RBFOX1: variants seen among roughly 807,000 people sequenced by gnomAD.
RBFOX1 encodes RNA binding protein fox-1 homolog 1.
In RBFOX1, 8 loss-of-function variants were observed where a neutral mutation model predicts 57.7. The observed-to-expected ratio is 0.14, with a 90% confidence interval of 0.08 to 0.25. The LOEUF (loss-of-function observed/expected upper bound fraction) is 0.25, where lower values mean the gene tolerates loss of function less well. Among genes scored for constraint, RBFOX1 ranks in the 10% least tolerant of loss-of-function variants. The pLI is 1.00. For missense variants in RBFOX1, 611 were observed against 548.5 expected (o/e 1.11, Z -1.14); for synonymous variants, 326 against 222.4 (o/e 1.47, Z -4.15).
At chr16:6,924,947 T>C (rs1291385323) in intron 3 of RBFOX1, among the ~76,000 whole-genome samples, 8 of 150,884 alleles carry the variant, frequency 5.3e-5, no homozygotes, top group Admixed American at 2.6e-4. Flanking sequence ...GTTTGGTTTT[T>C]TGCCCTTGCG....
chr16:7,101,255 C>T (rs549254732), intron 4 of RBFOX1, among the ~76,000 whole-genome samples: 9 of 152,200 alleles, frequency 5.9e-5, no homozygotes, highest in South Asian at 2.1e-4. Context: ...AGAGAGAAAC[C>T]GAGTGAGTGC....
intron 3 of RBFOX1, among the ~76,000 whole-genome samples, chr16:5,714,382 C>A (rs2051609512): frequency 6.6e-6 from 1 of 152,282 alleles, no homozygotes; most frequent in African/African-American, 2.4e-5. Context: ...TTCCCCATAC[C>A]AATGACTGGT....
At chr16:6,262,424 T>C (rs1340069382) in intron 1 of RBFOX1, among the ~76,000 whole-genome samples, 1 of 151,976 alleles carries the variant, frequency 6.6e-6, no homozygotes, top group Non-Finnish European at 1.5e-5. Context: ...TGCTGAAGAA[T>C]TGAGTCTCTT....
At chr16:5,943,075 A>G (rs118030283) in intron 4 of RBFOX1, among the ~76,000 whole-genome samples, 5,254 of 152,166 alleles carry the variant, frequency 0.035, 125 homozygotes, top group Non-Finnish European at 0.052. Context: ...CTATTCCCTC[A>G]TCAGAGATTC....
intron 2 of RBFOX1, among the ~76,000 whole-genome samples, chr16:6,558,777 C>G (rs2097139543): frequency 6.7e-6 from 1 of 149,990 alleles, no homozygotes; most frequent in Admixed American, 6.6e-5. Context: ...TCCCCCACCC[C>G]CACCCCCTGA....
chr16:7,081,270 A>G (rs1043297111), intron 4 of RBFOX1, among the ~76,000 whole-genome samples: 5 of 152,216 alleles, frequency 3.3e-5, no homozygotes, highest in Admixed American at 6.5e-5. Flanking sequence ...GCTGACCTCA[A>G]GTGATCCACC....
At chr16:5,709,992 C>G (rs969540979) in intron 3 of RBFOX1, among the ~76,000 whole-genome samples, 1 of 149,954 alleles carries the variant, frequency 6.7e-6, no homozygotes, top group African/African-American at 2.5e-5. Context: ...GTCTCTAACT[C>G]AGGCGCATTG....
At chr16:7,709,198 C>T (rs2083458376) in intron 15 of RBFOX1, 67 bp downstream of exon 15, 6 of 1,445,092 alleles carry the variant, frequency 4.2e-6, no homozygotes, top group South Asian at 3.6e-5. Context: ...GCTGGGACCT[C>T]AGTACGGGTT....
At chr16:6,089,568 G>A (rs2096140407) in intron 1 of RBFOX1, among the ~76,000 whole-genome samples, 1 of 152,216 alleles carries the variant, frequency 6.6e-6, no homozygotes, top group Non-Finnish European at 1.5e-5. Context: ...TTTAAGCAGA[G>A]TGATGCAATG....
intron 3 of RBFOX1, among the ~76,000 whole-genome samples, chr16:6,903,456 G>T (rs144357538): frequency 1.3e-5 from 2 of 152,304 alleles, no homozygotes; most frequent in African/African-American, 4.8e-5. Flanking sequence ...TTGCTTATCT[G>T]TCTTTGAATT....
chr16:6,177,208 C>A, intron 1 of RBFOX1, among the ~76,000 whole-genome samples: 1 of 130,284 alleles, frequency 7.7e-6, no homozygotes, highest in South Asian at 2.4e-4. Context: ...TTTTTCCTTT[C>A]TAGAAGCAGC....
chr16:7,535,664 G>C (rs1257844521), intron 5 of RBFOX1, among the ~76,000 whole-genome samples: 7 of 152,118 alleles, frequency 4.6e-5, no homozygotes, highest in African/African-American at 1.7e-4. Flanking sequence ...TATATGTTTT[G>C]AAAATCCACC....
At chr16:5,556,313 C>T (rs560912837) in intron 2 of RBFOX1, among the ~76,000 whole-genome samples, 9 of 152,228 alleles carry the variant, frequency 5.9e-5, no homozygotes, top group South Asian at 2.1e-4. Context: ...CGGTGGTATT[C>T]GTGATTGGCT....
At chr16:6,040,158 C>T (rs1176401976) in intron 1 of RBFOX1, among the ~76,000 whole-genome samples, 1 of 152,212 alleles carries the variant, frequency 6.6e-6, no homozygotes, top group Admixed American at 6.5e-5. Flanking sequence ...TATTAATTCA[C>T]TCTGTTGCAT....
At chr16:6,922,030 A>C (rs2074568092) in intron 3 of RBFOX1, among the ~76,000 whole-genome samples, 2 of 152,172 alleles carry the variant, frequency 1.3e-5, no homozygotes, top group South Asian at 4.1e-4. Context: ...TAATGTATAT[A>C]ACTGCTGTTA....
At chr16:5,514,940 T>A (rs1469051677) in intron 2 of RBFOX1, among the ~76,000 whole-genome samples, 1 of 152,202 alleles carries the variant, frequency 6.6e-6, no homozygotes, top group East Asian at 1.9e-4. Flanking sequence ...ATGGCGCCAG[T>A]GTCTGCTTTT....
intron 3 of RBFOX1, among the ~76,000 whole-genome samples, chr16:6,749,740 C>CA (rs2074540261): frequency 6.6e-6 from 1 of 152,146 alleles, no homozygotes. Context: ...TTAAGAATAA[C>CA]AGCGACTTGG....
chr16:6,523,886 A>G (rs572644213), intron 2 of RBFOX1, among the ~76,000 whole-genome samples: 22 of 152,340 alleles, frequency 1.4e-4, no homozygotes, highest in African/African-American at 5.0e-4. Context: ...TGAGTACATA[A>G]TAGGTATAGA....
intron 3 of RBFOX1, among the ~76,000 whole-genome samples, chr16:6,952,597 C>T (rs922218366): frequency 1.3e-5 from 2 of 151,862 alleles, no homozygotes; most frequent in Admixed American, 6.6e-5. Flanking sequence ...ATGATCATGC[C>T]ACTGGACTAC....
Sources: allele counts gnomAD v4.1 joint callset (sites outside exome capture counted in the v4.1 genomes callset), GRCh38; gene constraint gnomAD v4.1.1; transcripts MANE v1.5; gene names NCBI Gene and HGNC (gene_info 2026-07-23, HGNC 2026-07-21).